Variants in PDZD2 observed in about 807,000 individuals in gnomAD.
The protein encoded by PDZD2 is PDZ domain containing 2.
In PDZD2, 90 loss-of-function variants were observed where a neutral mutation model predicts 220.7. The ratio of observed to expected loss-of-function variants is 0.41; its 90% CI spans 0.34 to 0.49. PDZD2 has a LOEUF of 0.49. PDZD2 is among the 20% of genes least tolerant of loss of function. The probability of loss-of-function intolerance (pLI) is 0.28; values close to 1 mark genes in which losing one functional copy is unlikely to be tolerated. For synonymous variants in PDZD2, 1,375 were observed against 1,450.5 expected (o/e 0.95, Z 1.18); for missense variants, 3,174 against 3,608.5 (o/e 0.88, Z 3.08).
At chr5:32,039,148 G>A (rs1216597028) in intron 7 of PDZD2, among the ~76,000 whole-genome samples, 9 of 151,700 alleles carry the variant, frequency 5.9e-5, no homozygotes, top group Admixed American at 4.0e-4. Flanking sequence ...CTCTCTTGCC[G>A]AGCCTGGACT....
At chr5:31,748,491 C>T (rs976593171) in intron 1 of PDZD2, among the ~76,000 whole-genome samples, 3 of 152,164 alleles carry the variant, frequency 2.0e-5, no homozygotes, top group Non-Finnish European at 4.4e-5. Flanking sequence ...CAGCCCAAAC[C>T]CAAGCTGCTC....
chr5:31,849,919 CATATATATATATACACAT>C lies in PDZD2; in HGVS notation c.476+50207_476+50224del, dbSNP rs1757853106. Among the ~76,000 whole-genome samples the C allele has an allele frequency of 3.7e-4, 7 of 19,058 alleles. 2 individuals carry two copies. Among genetic ancestry groups the C allele is most frequent in the Admixed American group, 1.3e-3 (2 of 1,488 alleles). 12.5% of individuals were successfully genotyped at this position (19,058 alleles called of 152,430 possible). A position where few individuals can be genotyped will look rare whatever the true frequency, so the allele number is the denominator to read the frequency against. On this transcript the variant is annotated intron_variant, in intron 2 of 24. Transcript: ENST00000438447. The stretch of plus-strand genomic sequence containing the variant: ...ATATATATATACATATATATATATA[CATATATATATATACACAT>C]ATATATATATACATATATATATATA...
At chr5:31,953,074 A>G (rs1414657783) in intron 2 of PDZD2, among the ~76,000 whole-genome samples, 14 of 151,734 alleles carry the variant, frequency 9.2e-5, no homozygotes, top group East Asian at 1.9e-4. Context: ...AAAAAAAAAA[A>G]AAAGAAAGAA....
intron 1 of PDZD2, among the ~76,000 whole-genome samples, chr5:31,658,038 T>C (rs74422098): frequency 0.043 from 6,580 of 152,246 alleles, 158 homozygotes; most frequent in Middle Eastern, 0.088. Flanking sequence ...ACCACTGGCA[T>C]TTTCTGCCCC....
At chr5:31,933,919 G>T (rs915943985) in intron 2 of PDZD2, among the ~76,000 whole-genome samples, 1 of 152,186 alleles carries the variant, frequency 6.6e-6, no homozygotes, top group African/African-American at 2.4e-5. Flanking sequence ...ACTTGGGTCG[G>T]TTAGGTGGCT....
intron 1 of PDZD2, among the ~76,000 whole-genome samples, chr5:31,660,224 A>G (rs1427895325): frequency 1.3e-5 from 2 of 152,238 alleles, no homozygotes; most frequent in African/African-American, 4.8e-5. Context: ...TTCATAGATT[A>G]AATAAATTTG....
At chr5:31,758,287 C>G (rs1278857489) in intron 1 of PDZD2, among the ~76,000 whole-genome samples, 1 of 152,218 alleles carries the variant, frequency 6.6e-6, no homozygotes, top group Non-Finnish European at 1.5e-5. Context: ...CTTCAAAGCA[C>G]CTTGGAAGTC....
At chr5:32,068,158 T>C (rs922724385) in intron 14 of PDZD2, among the ~76,000 whole-genome samples, 1 of 151,662 alleles carries the variant, frequency 6.6e-6, no homozygotes, top group Non-Finnish European at 1.5e-5. Flanking sequence ...AAAAAATGCG[T>C]AATCTGAATC....
At chr5:31,865,470 A>AC (rs1381721398) in intron 2 of PDZD2, among the ~76,000 whole-genome samples, 31 of 151,236 alleles carry the variant, frequency 2.0e-4, no homozygotes, top group Non-Finnish European at 3.7e-4. Context: ...ACACCACCTC[A>AC]CCCAGCTCAT....
At position 31,872,388 on chromosome 5, in the gene PDZD2, G is replaced by A. The variant is rs2150325251; in HGVS notation, c.476+72664G>A. ...TCTTCATCTGCCTCCATGGGAGTGT[G>A]GACATGCATTCCCTAGAAAGCATCT... On this transcript the variant is annotated intron_variant, in intron 2 of 24. Transcript: ENST00000438447. Among the ~76,000 whole-genome samples the A allele has an allele frequency of 1.3e-5, 2 of 152,246 alleles. 1 individual carries two copies. Among genetic ancestry groups the A allele is most frequent in the Middle Eastern group, 6.8e-3 (2 of 294 alleles).
chr5:32,097,256 T>G, intron 21 of PDZD2, 23 bp from the exon 22 acceptor site: 1 of 1,473,072 alleles, frequency 6.8e-7, no homozygotes, highest in Non-Finnish European at 9.5e-7. Context: ...GCTCAAAGGA[T>G]AATTTTTGTT....
At chr5:31,960,989 A>G (rs1180528602) in intron 2 of PDZD2, among the ~76,000 whole-genome samples, 1 of 152,146 alleles carries the variant, frequency 6.6e-6, no homozygotes, top group Non-Finnish European at 1.5e-5. Context: ...CAATGCCATC[A>G]CTCAATTTTT....
At chr5:32,003,429 A>C (rs1439075459) in intron 5 of PDZD2, among the ~76,000 whole-genome samples, 9 of 23,528 alleles carry the variant, frequency 3.8e-4, no homozygotes, top group South Asian at 1.8e-3. Context: ...CACCCCCCCC[A>C]CACACACCCT....
intron 14 of PDZD2, among the ~76,000 whole-genome samples, chr5:32,067,027 G>T (rs1345639173): frequency 1.3e-5 from 2 of 152,244 alleles, no homozygotes; most frequent in African/African-American, 4.8e-5. Flanking sequence ...TTTTCTTTTG[G>T]TTAAGATTCC....
At position 32,108,218 on chromosome 5, in the gene PDZD2, G is replaced by A. The variant is rs1744988421; in HGVS notation, c.*83G>A. 3 of 855,828 alleles carry A rather than the reference G, an allele frequency of 3.5e-6. No individual in the cohort carries two copies. The highest frequency in any genetic ancestry group is 5.5e-6 in the Non-Finnish European group (3 of 547,636). 53.0% of individuals were successfully genotyped at this position (855,828 alleles called of 1,614,324 possible). A position where few individuals can be genotyped will look rare whatever the true frequency, so the allele number is the denominator to read the frequency against. ...TCTTTAAACCACAGGTTGTTGAAAT[G>A]GCCAACACTGGTACAGACACGGACT... On this transcript the variant is annotated 3_prime_UTR_variant, in exon 25 of 25. Coordinates refer to ENST00000438447, the MANE Select transcript of PDZD2 (RefSeq NM_178140.4).
At chr5:31,884,666 G>A (rs541525468) in intron 2 of PDZD2, among the ~76,000 whole-genome samples, 158 of 152,116 alleles carry the variant, frequency 1.0e-3, no homozygotes, top group Non-Finnish European at 1.5e-3. Context: ...TCGGCTCACT[G>A]CAACCTCCAT....
At chr5:31,797,133 C>T (rs1754094350) in intron 1 of PDZD2, among the ~76,000 whole-genome samples, 1 of 109,680 alleles carries the variant, frequency 9.1e-6, no homozygotes, top group South Asian at 3.0e-4. Flanking sequence ...TTAGTAGAGA[C>T]GGGCTTTCAC....
chr5:32,084,226 G>A (rs1234930944), intron 19 of PDZD2, among the ~76,000 whole-genome samples: 1 of 152,190 alleles, frequency 6.6e-6, no homozygotes, highest in African/African-American at 2.4e-5. Flanking sequence ...GGATCTCGAC[G>A]ATCCAACCTT....
chr5:31,722,044 G>A (rs1237076535), intron 1 of PDZD2, among the ~76,000 whole-genome samples: 1 of 152,088 alleles, frequency 6.6e-6, no homozygotes, highest in Non-Finnish European at 1.5e-5. Context: ...CATCTTGAAT[G>A]TCTTCTTCTC....
Sources: allele counts gnomAD v4.1 joint callset (sites outside exome capture counted in the v4.1 genomes callset), GRCh38; gene constraint gnomAD v4.1.1; transcripts MANE v1.5; gene names NCBI Gene and HGNC (gene_info 2026-07-23, HGNC 2026-07-21).